The following TWIST2 variants were observed in gnomAD, a reference collection of about 807,000 sequenced individuals.
TWIST2 encodes twist family bHLH transcription factor 2.
A neutral mutation model predicts 11.6 loss-of-function variants in TWIST2; 1 was observed. The ratio of observed to expected loss-of-function variants is 0.09; its 90% CI spans 0.03 to 0.41. The LOEUF (loss-of-function observed/expected upper bound fraction) is 0.41, where lower values mean the gene tolerates loss of function less well. Ranked by LOEUF, TWIST2 falls within the 10% of genes least tolerant of loss-of-function variation. The pLI is 0.98. For missense variants in TWIST2, 168 were observed against 226.4 expected (o/e 0.74, Z 1.66); for synonymous variants, 87 against 96.6 (o/e 0.90, Z 0.58).
chr2:238,904,389 A>T (rs1288770869), intron 1 of TWIST2, among the ~76,000 whole-genome samples: 1 of 62,326 alleles, frequency 1.6e-5, no homozygotes, highest in African/African-American at 6.5e-5. Flanking sequence ...TGTGTGTGTG[A>T]TGTAAGGTGT....
At chr2:238,877,197 A>C (rs1393627606) in intron 1 of TWIST2, among the ~76,000 whole-genome samples, 1 of 152,186 alleles carries the variant, frequency 6.6e-6, no homozygotes, top group Non-Finnish European at 1.5e-5. Flanking sequence ...ATTCCATCTC[A>C]AAACAGCAAC....
intron 1 of TWIST2, among the ~76,000 whole-genome samples, chr2:238,849,861 G>A (rs1392524468): frequency 6.6e-6 from 1 of 152,208 alleles, no homozygotes; most frequent in East Asian, 1.9e-4. Context: ...GCCATGGAGG[G>A]GCACAGAGTT....
intron 1 of TWIST2, among the ~76,000 whole-genome samples, chr2:238,902,657 GTGA>G (rs1188256614): frequency 4.1e-5 from 6 of 146,024 alleles, no homozygotes; most frequent in Non-Finnish European, 9.0e-5. Flanking sequence ...TGGTGTGTGT[GTGA>G]TGTGTGTGTG....
chr2:238,891,252 T>G (rs527544823), intron 1 of TWIST2, among the ~76,000 whole-genome samples: 2 of 152,126 alleles, frequency 1.3e-5, no homozygotes, highest in African/African-American at 4.8e-5. Context: ...CTTGACCCTA[T>G]CGGGAGCATT....
intron 1 of TWIST2, among the ~76,000 whole-genome samples, chr2:238,898,242 G>T (rs1350256914): frequency 6.6e-6 from 1 of 152,258 alleles, no homozygotes; most frequent in African/African-American, 2.4e-5. Flanking sequence ...ACATAGTGTG[G>T]CCCAGCCTCA....
rs1450722000 is a variant in TWIST2 at position 238,848,888 on chromosome 2, C to G, written c.*35+155C>G. 2.0e-5 allele frequency among the ~76,000 whole-genome samples: 3 copies of G among 152,092 alleles called. No individual in the cohort carries two copies. The East Asian group carries it at 5.8e-4, about 29-fold the overall frequency. On this transcript the variant is annotated intron_variant, in intron 1 of 1. Coordinates refer to ENST00000612363, the MANE Select transcript of TWIST2 (RefSeq NM_001271893.4). Reference sequence around the variant, plus strand: ...TTTTCCTCTTAGCAAGGAAGGCGGGCGGGCGGGACGCTCACAGTCCCAGGG... The same window carrying G: ...TTTTCCTCTTAGCAAGGAAGGCGGGGGGGCGGGACGCTCACAGTCCCAGGG...
intron 1 of TWIST2, among the ~76,000 whole-genome samples, chr2:238,884,562 AC>A (rs1428203463): frequency 6.6e-6 from 1 of 152,202 alleles, no homozygotes; most frequent in African/African-American, 2.4e-5. Flanking sequence ...TGTGGTTGCC[AC>A]CCGCAGGCCA....
intron 1 of TWIST2, among the ~76,000 whole-genome samples, chr2:238,907,380 C>T (rs1207731696): frequency 2.0e-5 from 3 of 152,174 alleles, no homozygotes; most frequent in Non-Finnish European, 4.4e-5. Flanking sequence ...GGGGTCCCCA[C>T]CCCGGCTTCC....
At chr2:238,900,986 C>CTT (rs1248385207) in intron 1 of TWIST2, among the ~76,000 whole-genome samples, 1,987 of 139,630 alleles carry the variant, frequency 0.014, 62 homozygotes, top group African/African-American at 0.05. Flanking sequence ...TCCCCCCCGG[C>CTT]TTTTTTTTTT....
At chr2:238,860,839 G>A (rs1692418915) in intron 1 of TWIST2, among the ~76,000 whole-genome samples, 1 of 152,232 alleles carries the variant, frequency 6.6e-6, no homozygotes, top group Non-Finnish European at 1.5e-5. Flanking sequence ...TCGGGAGGCT[G>A]AGGCAGGAGA....
chr2:238,905,870 CGT>C (rs1170995490), intron 1 of TWIST2, among the ~76,000 whole-genome samples: 6 of 149,918 alleles, frequency 4.0e-5, no homozygotes, highest in South Asian at 4.2e-4. Context: ...TGTGTGCGTG[CGT>C]GTGTGTGCAT....
chr2:238,897,650 C>G (rs909445177), intron 1 of TWIST2, among the ~76,000 whole-genome samples: 2 of 152,230 alleles, frequency 1.3e-5, no homozygotes, highest in Non-Finnish European at 2.9e-5. Flanking sequence ...GCATCACACT[C>G]TCTACCGTGA....
At chr2:238,895,900 C>G (rs1189596507) in intron 1 of TWIST2, among the ~76,000 whole-genome samples, 1 of 152,194 alleles carries the variant, frequency 6.6e-6, no homozygotes, top group East Asian at 1.9e-4. Flanking sequence ...GGGCTGACTC[C>G]TCCTTGCCAG....
chr2:238,896,674 G>T (rs936151670), intron 1 of TWIST2, among the ~76,000 whole-genome samples: 1 of 152,206 alleles, frequency 6.6e-6, no homozygotes, highest in South Asian at 2.1e-4. Flanking sequence ...GAACTTTGGG[G>T]TGTGAGTGGG....
At chr2:238,908,658 T>C (rs915959720) in intron 1 of TWIST2, among the ~76,000 whole-genome samples, 1 of 152,180 alleles carries the variant, frequency 6.6e-6, no homozygotes, top group African/African-American at 2.4e-5. Flanking sequence ...TGGATATGTA[T>C]GTGGTATGTT....
At chr2:238,896,655 G>T (rs903322596) in intron 1 of TWIST2, among the ~76,000 whole-genome samples, 3 of 152,192 alleles carry the variant, frequency 2.0e-5, no homozygotes, top group Non-Finnish European at 4.4e-5. Flanking sequence ...AATCCTCTGG[G>T]GGTCCTAGGA....
Position 238,863,671 on chromosome 2 carries a change from G to A in TWIST2, c.*35+14938G>A, listed in dbSNP as rs1284231351. 6.6e-6 allele frequency among the ~76,000 whole-genome samples: 1 copy of A among 152,084 alleles called. No homozygotes were observed. The highest frequency in any genetic ancestry group is 1.5e-5 in the Non-Finnish European group (1 of 68,020). The stretch of plus-strand genomic sequence containing the variant: ...CACTTCAGCTTTGGGGAAGCAAGTG[G>A]GAAAAAACCTCAATGAACCCCTTAG... On this transcript the variant is annotated intron_variant, in intron 1 of 1. Transcript: ENST00000612363. The surrounding 1 kb of genome is among the most constrained non-coding windows in gnomAD (Gnocchi z 4.7).
At position 238,867,139 on chromosome 2, in the gene TWIST2, G is replaced by A. The variant is rs765950612; in HGVS notation, c.*35+18406G>A. 1.2e-4 allele frequency among the ~76,000 whole-genome samples: 19 copies of A among 152,152 alleles called. No individual in the cohort carries two copies. The highest frequency in any genetic ancestry group is 2.4e-4 in the Non-Finnish European group (16 of 68,018). On this transcript the variant is annotated intron_variant, in intron 1 of 1. Transcript: ENST00000612363. This position sits in a 1 kb window ranked among gnomAD's most constrained non-coding sequence, Gnocchi z 4.8. ...GCCTCTTGTTTCGAGGGCCTTTTCCGTCCTCGAAGCCAGCAGCTGGAGGGA... is the reference window on the plus strand; with the variant it reads ...GCCTCTTGTTTCGAGGGCCTTTTCCATCCTCGAAGCCAGCAGCTGGAGGGA...
intron 1 of TWIST2, among the ~76,000 whole-genome samples, chr2:238,893,153 C>T (rs899662747): frequency 2.0e-5 from 3 of 152,064 alleles, no homozygotes; most frequent in African/African-American, 7.2e-5. Flanking sequence ...AGGATTCTTC[C>T]CATTGCTTAG....
Sources: gnomAD v4.1 joint callset for allele counts (sites outside exome capture counted in the v4.1 genomes callset) on GRCh38, gnomAD v4.1.1 for gene constraint, Gnocchi (gnomAD v3.1) non-coding constraint, MANE v1.5 for transcripts, NCBI Gene and HGNC (gene_info 2026-07-23, HGNC 2026-07-21) for gene names.